FAM120B: variants seen among roughly 807,000 people sequenced by gnomAD.
FAM120B encodes constitutive coactivator of peroxisome proliferator-activated receptor gamma.
Under a neutral mutation model 96.3 loss-of-function variants are expected in FAM120B, and 83 were observed. The ratio of observed to expected loss-of-function variants is 0.86; its 90% CI spans 0.72 to 1.03. FAM120B has a LOEUF of 1.03. Ranked by LOEUF, FAM120B falls within the 50% of genes least tolerant of loss-of-function variation. The pLI, the probability that FAM120B is intolerant of heterozygous loss-of-function variation, is 0.00. For missense variants in FAM120B, 1,027 were observed against 1,121.2 expected, an observed-to-expected ratio of 0.92 and a Z score of 1.20; for synonymous variants, 407 against 402.7, an observed-to-expected ratio of 1.01 and a Z score of -0.13.
At chr6:170,326,684 G>T (rs1262758517) in intron 3 of FAM120B, among the ~76,000 whole-genome samples, 1 of 152,200 alleles carries the variant, frequency 6.6e-6, no homozygotes, top group Non-Finnish European at 1.5e-5. Context: ...GTGGCTGTGT[G>T]CCAGGAAGCC....
chr6:170,309,301 T>C (rs1784462158), intron 1 of FAM120B, among the ~76,000 whole-genome samples: 1 of 152,192 alleles, frequency 6.6e-6, no homozygotes, highest in African/African-American at 2.4e-5. Flanking sequence ...AGGAATTTTT[T>C]AGTAGTAGTT....
At chr6:170,358,106 G>A (rs984027394) in intron 5 of FAM120B, 120 bp from the exon 6 acceptor site, 55 of 792,140 alleles carry the variant, frequency 6.9e-5, no homozygotes, top group Admixed American at 4.7e-4. Flanking sequence ...GTGCCTGTAC[G>A]TGCCTGTGTG....
chr6:170,376,365 GTTGAGAGATA>G (rs753728430), intron 6 of FAM120B, among the ~76,000 whole-genome samples: 9 of 151,988 alleles, frequency 5.9e-5, no homozygotes, highest in Non-Finnish European at 1.3e-4. Flanking sequence ...ATGAGGTTCA[GTTGAGAGATA>G]CACATATAGT....
chr6:170,402,338 C>T (rs1402202512), intron 9 of FAM120B, among the ~76,000 whole-genome samples: 4 of 152,204 alleles, frequency 2.6e-5, no homozygotes, highest in Admixed American at 6.5e-5. Flanking sequence ...AAATCTAGTA[C>T]GCACACCTGT....
At chr6:170,297,549 G>A (rs1054613408) in intron 1 of FAM120B, among the ~76,000 whole-genome samples, 1 of 152,278 alleles carries the variant, frequency 6.6e-6, no homozygotes, top group South Asian at 2.1e-4. Context: ...GGCTCCCAAA[G>A]CCTTCCCTCC....
intron 6 of FAM120B, among the ~76,000 whole-genome samples, chr6:170,368,825 G>C (rs951807631): frequency 4.7e-4 from 64 of 136,352 alleles, no homozygotes; most frequent in Non-Finnish European, 8.5e-4. Context: ...GGGGCTGGGG[G>C]GGGGGCTCCC....
intron 6 of FAM120B, among the ~76,000 whole-genome samples, chr6:170,369,161 A>G (rs1224354556): frequency 6.6e-6 from 1 of 152,216 alleles, no homozygotes; most frequent in East Asian, 1.9e-4. Flanking sequence ...AAAGCAAAAG[A>G]AAGCAAATGA....
chr6:170,381,406 A>C (rs1789893248), intron 6 of FAM120B, among the ~76,000 whole-genome samples: 1 of 152,152 alleles, frequency 6.6e-6, no homozygotes, highest in Admixed American at 6.5e-5. Flanking sequence ...AACTCCCCTC[A>C]AAAGAGGTCT....
At chr6:170,338,844 C>CTTTTTTTTT (rs61188907) in intron 4 of FAM120B, among the ~76,000 whole-genome samples, 2 of 85,424 alleles carry the variant, frequency 2.3e-5, no homozygotes, top group Non-Finnish European at 2.3e-5. Flanking sequence ...TTGCAACCTG[C>CTTTTTTTTT]TTTTTTTTTT....
chr6:170,379,694 A>G (rs1023334106), intron 6 of FAM120B, among the ~76,000 whole-genome samples: 8 of 152,232 alleles, frequency 5.3e-5, no homozygotes, highest in African/African-American at 1.7e-4. Context: ...TCTCATAATT[A>G]ATTTCTTTAT....
At position 170,318,750 on chromosome 6, in the gene FAM120B, G is replaced by A. The variant is rs566709478; in HGVS notation, c.1360G>A (p.Gly454Ser). The change falls in exon 2 of 11, where the codon GGC becomes AGC. Residue 454 changes from glycine to serine, a missense_variant. Coordinates refer to ENST00000476287, the MANE Select transcript of FAM120B (RefSeq NM_032448.3). The part of the protein sequence containing the change: ...EPRQEVPMYT[G>S]SEPRQEVPMY... ...CAGGCAAGAAGTTCCCATGTATACA[G>A]GCTCTGAACCCAGGCAAGAAGTTCC... 1 of 1,610,292 alleles carries A rather than the reference G, an allele frequency of 6.2e-7. No homozygotes were observed. The highest frequency in any genetic ancestry group is 1.1e-5 in the South Asian group (1 of 90,904).
intron 1 of FAM120B, among the ~76,000 whole-genome samples, chr6:170,315,819 C>T (rs1179422745): frequency 1.3e-5 from 2 of 151,806 alleles, no homozygotes; most frequent in Non-Finnish European, 2.9e-5. Flanking sequence ...CACAGTGGCT[C>T]ATGTCTAATC....
intron 8 of FAM120B, among the ~76,000 whole-genome samples, chr6:170,393,098 G>A (rs577436597): frequency 6.8e-6 from 1 of 146,908 alleles, no homozygotes; most frequent in Non-Finnish European, 1.5e-5. Context: ...AATCACTTAA[G>A]GCCAGGAGTT....
upstream of FAM120B, among the ~76,000 whole-genome samples, chr6:170,293,201 T>G (rs1003203806): frequency 6.6e-6 from 1 of 151,688 alleles, no homozygotes; most frequent in Non-Finnish European, 1.5e-5. Context: ...TGAGGGTAGG[T>G]GAAAGGGTTT....
intron 2 of FAM120B, among the ~76,000 whole-genome samples, chr6:170,322,582 G>C (rs1785364340): frequency 6.6e-6 from 1 of 152,168 alleles, no homozygotes; most frequent in South Asian, 2.1e-4. Context: ...AGGGTGAAAT[G>C]GTGTGCAAGG....
chr6:170,353,610 T>C (rs1211498290), intron 5 of FAM120B, among the ~76,000 whole-genome samples: 1 of 152,084 alleles, frequency 6.6e-6, no homozygotes, highest in Non-Finnish European at 1.5e-5. Flanking sequence ...GGATATAAAA[T>C]CGCCAGTATT....
chr6:170,380,157 T>A (rs1265558454), intron 6 of FAM120B, among the ~76,000 whole-genome samples: 1 of 152,374 alleles, frequency 6.6e-6, no homozygotes, highest in Non-Finnish European at 1.5e-5. Flanking sequence ...CTTCCATCCG[T>A]GTTGTTACAA....
Position 170,395,490 on chromosome 6 carries a change from G to T in FAM120B, c.2603G>T (p.Arg868Met). 1 of 1,590,450 alleles carries T rather than the reference G, an allele frequency of 6.3e-7. No homozygotes were observed. Among genetic ancestry groups the T allele is most frequent in the Non-Finnish European group, 8.6e-7 (1 of 1,167,928 alleles). Residue 868 changes from arginine (R) to methionine (M), a missense_variant, in exon 9 of 11, where the codon AGG (arginine) becomes ATG (methionine). Arg to Met is a moderately conservative substitution (Grantham distance 91). Coordinates refer to ENST00000476287, the MANE Select transcript of FAM120B (RefSeq NM_032448.3). ...RAHWGSHHAG[R>M]WGRQGSSYHR... ...TTCTGACTATGTGTTCCCACAGGGA[G>T]GTGGGGAAGACAGGGCTCCAGCTAC...
Position 170,404,573 on chromosome 6 carries a change from C to T in FAM120B, c.2716C>T (p.Gln906Ter). The T allele has an allele frequency of 6.2e-7, 1 of 1,613,894 alleles. No individual in the cohort carries two copies. The highest frequency in any genetic ancestry group is 1.1e-5 in the South Asian group (1 of 91,062). Residue 906 changes from glutamine (Q) to a stop codon, truncating the protein, a stop_gained, in exon 10 of 11, where the codon CAG (glutamine) becomes TAG (stop). Transcript: ENST00000476287. LOFTEE classifies it high-confidence loss of function. ...GPGSRQYEHD[Q>*]WRRY ...AGGAAGCAGACAGTATGAGCATGACCAGTGGAGAAGGTACTAGTCAACCTC... is the reference window on the plus strand; with the variant it reads ...AGGAAGCAGACAGTATGAGCATGACTAGTGGAGAAGGTACTAGTCAACCTC...
Sources: gnomAD v4.1 joint callset for allele counts (sites outside exome capture counted in the v4.1 genomes callset) on GRCh38, gnomAD v4.1.1 for gene constraint, MANE v1.5 for transcripts, NCBI Gene and HGNC (gene_info 2026-07-23, HGNC 2026-07-21) for gene names.